TRPV1: variants seen among roughly 807,000 people sequenced by gnomAD.
TRPV1 encodes the protein transient receptor potential cation channel subfamily V member 1, also known as OTRPC1.
Under a neutral mutation model 82.3 loss-of-function variants are expected in TRPV1, and 82 were observed. That is an observed-to-expected ratio of 1.00 (90% confidence interval 0.83 to 1.20). The LOEUF (loss-of-function observed/expected upper bound fraction) is 1.20. TRPV1 is among the 50% of genes most tolerant of loss of function. The probability of loss-of-function intolerance (pLI) is 0.00; values close to 1 mark genes in which losing one functional copy is unlikely to be tolerated. For synonymous variants in TRPV1, 515 were observed against 467.7 expected, an observed-to-expected ratio of 1.10 and a Z score of -1.30; for missense variants, 1,067 against 1,096.8, an observed-to-expected ratio of 0.97 and a Z score of 0.38.
rs957231555 is a variant in TRPV1, at chr17:3,588,828, A to AC, written c.1045-462_1045-461insG. The AC allele has an allele frequency of 1.1e-5, 15 of 1,369,740 alleles. No homozygotes were observed. The African/African-American group carries it at 2.2e-4, about 20-fold the overall frequency. The allele number at this position is 1,369,740 out of a possible 1,614,324, so 84.8% of individuals were successfully genotyped here. On this transcript the variant is annotated intron_variant, in intron 7 of 16. Transcript: ENST00000572705. ...AAACCTCATCTAAAAAAAAAAAAAA[A>AC]AACAAAACACACAAACGTCAACCAG... is the stretch of plus-strand genomic sequence containing the variant.
chr17:3,566,754 C>G lies in TRPV1; in HGVS notation c.*61G>C. 6.4e-7 allele frequency: 1 copy of G among 1,565,672 alleles called. No homozygotes were observed. The highest frequency in any genetic ancestry group is 1.2e-5 in the South Asian group (1 of 84,082). On this transcript the variant is annotated 3_prime_UTR_variant, in exon 17 of 17. Transcript: ENST00000572705. Reference sequence around the variant, plus strand: ...CAGAGCACTGGTGTTCCCTCAGCAGCCCCCCGTGGCAACGGGGTCTCCTAA... The same window carrying G: ...CAGAGCACTGGTGTTCCCTCAGCAGGCCCCCGTGGCAACGGGGTCTCCTAA...
Position 3,573,903 on chromosome 17 carries a change from G to C in TRPV1, c.1833C>G (p.Ser611=). ...DGKNDSLPSE[S]TSHRWRGPAC... ...CAGGCCCCCGCCACCTGTGCGACGTGGACTCAGACGGCAGGGAGTCATTCT... is the reference window on the plus strand; with the variant it reads ...CAGGCCCCCGCCACCTGTGCGACGTCGACTCAGACGGCAGGGAGTCATTCT... Residue 611 remains serine, a synonymous_variant, in exon 14 of 17, where the codon TCC becomes TCG. Coordinates refer to ENST00000572705, the MANE Select transcript of TRPV1 (RefSeq NM_080704.4). The C allele has an allele frequency of 6.2e-7, 1 of 1,609,616 alleles. No homozygotes were observed. Among genetic ancestry groups the C allele is most frequent in the Non-Finnish European group, 8.5e-7 (1 of 1,178,882 alleles).
At position 3,590,952 on chromosome 17, in the gene TRPV1, C is replaced by T. The variant is rs199585588; in HGVS notation, c.604+12G>A. The T allele has an allele frequency of 1.6e-5, 25 of 1,587,930 alleles. No homozygotes were observed. The highest frequency in any genetic ancestry group is 4.5e-5 in the East Asian group (2 of 44,108). On this transcript the variant is annotated intron_variant, in intron 5 of 16. Transcript: ENST00000572705. ...CGGGCTGAGCCATGCCCGGCCCCGCCGCCCTCCTCACCCTTGTAGTAGCTG... is the reference window on the plus strand; with the variant it reads ...CGGGCTGAGCCATGCCCGGCCCCGCTGCCCTCCTCACCCTTGTAGTAGCTG...
intron 7 of TRPV1, chr17:3,589,081 C>G (rs574858091): frequency 5.3e-6 from 5 of 941,484 alleles, no homozygotes; most frequent in South Asian, 4.3e-5. Context: ...AGGCCAAGAG[C>G]TGGAGGCCTG....
Position 3,591,025 on chromosome 17 carries a change from C to G in TRPV1, c.543G>C (p.Ala181=), listed in dbSNP as rs760600407. ...GCTCCTTCAGGCTGTCCGTTTGCCGCGCGATCTCCAGGAGCAGGGGGATGG... is the reference window on the plus strand; with the variant it reads ...GCTCCTTCAGGCTGTCCGTTTGCCGGGCGATCTCCAGGAGCAGGGGGATGG... The part of the protein sequence containing the change: ...NTTIPLLLEI[A]RQTDSLKELV... The change falls in exon 5 of 17, where the codon GCG becomes GCC. Residue 181 remains alanine (A), a synonymous_variant. Coordinates refer to ENST00000572705, the MANE Select transcript of TRPV1 (RefSeq NM_080704.4). The G allele has an allele frequency of 3.7e-6, 6 of 1,612,072 alleles. No homozygotes were observed. The highest frequency in any genetic ancestry group is 5.1e-6 in the Non-Finnish European group (6 of 1,179,264).
At chr17:3,571,147 G>C (rs2074846778) in intron 16 of TRPV1, among the ~76,000 whole-genome samples, 1 of 152,218 alleles carries the variant, frequency 6.6e-6, no homozygotes. Context: ...GCCTCTCAGA[G>C]CTAGGACGTC....
chr17:3,588,813 T>TG (rs1334626655), intron 7 of TRPV1: 3 of 903,036 alleles, frequency 3.3e-6, no homozygotes, highest in Non-Finnish European at 4.7e-6. Context: ...AAACCTCATC[T>TG]AAAAAAAAAA....
At chr17:3,581,925 T>C (rs1422649791) in intron 10 of TRPV1, among the ~76,000 whole-genome samples, 2 of 143,128 alleles carry the variant, frequency 1.4e-5, no homozygotes, top group African/African-American at 2.6e-5. Context: ...GCACAGTGGC[T>C]CACACCTGTA....
chr17:3,566,924 T>C lies in TRPV1; in HGVS notation c.2411A>G (p.Asp804Gly). The C allele has an allele frequency of 6.2e-7, 1 of 1,613,990 alleles. No homozygotes were observed. Reference protein sequence around the residue: ...VPLLREASARDRQSAQPEEVY... With the variant: ...VPLLREASARGRQSAQPEEVY... The stretch of plus-strand genomic sequence containing the variant: ...TTCCTCGGGCTGAGCAGACTGCCTA[T>C]CTCGAGCACTTGCCTCTCTTAAAAG... Residue 804 changes from aspartate to glycine, a missense_variant, in exon 17 of 17, where the codon GAT becomes GGT. Coordinates refer to ENST00000572705, the MANE Select transcript of TRPV1 (RefSeq NM_080704.4).
chr17:3,583,253 TA>T, intron 10 of TRPV1, 84 bp downstream of exon 10: 1 of 1,212,324 alleles, frequency 8.2e-7, no homozygotes, highest in Non-Finnish European at 1.2e-6. Context: ...TCTGATGAAT[TA>T]AAAAGTGAGT....
At chr17:3,572,493 G>C (rs2074868207) in intron 14 of TRPV1, among the ~76,000 whole-genome samples, 1 of 152,192 alleles carries the variant, frequency 6.6e-6, no homozygotes, top group South Asian at 2.1e-4. Context: ...GGCCTGGGCA[G>C]GGCAGCCCCG....
rs369016128 is a variant in TRPV1 at position 3,587,276 on chromosome 17, GC to G, written c.1224+911del. Among the ~76,000 whole-genome samples the G allele has an allele frequency of 2.4e-3, 358 of 152,276 alleles. 1 individual carries two copies. Among genetic ancestry groups the G allele is most frequent in the African/African-American group, 7.9e-3 (327 of 41,556 alleles). On this transcript the variant is annotated intron_variant, in intron 8 of 16. Transcript: ENST00000572705. Reference sequence around the variant, plus strand: ...GGCAGAGCAGACCAGGCCTTTCCCAGCCCCGGACTCTGCTCCTGTAAACGCA... The same window carrying G: ...GGCAGAGCAGACCAGGCCTTTCCCAGCCCGGACTCTGCTCCTGTAAACGCA...
At chr17:3,570,664 G>T (rs2074840418) in intron 16 of TRPV1, among the ~76,000 whole-genome samples, 1 of 152,118 alleles carries the variant, frequency 6.6e-6, no homozygotes, top group African/African-American at 2.4e-5. Flanking sequence ...ATGTTTACCA[G>T]TAACTGTTAA....
At chr17:3,597,672 CTTTT>C (rs34662119) in intron 2 of TRPV1, among the ~76,000 whole-genome samples, 4 of 117,884 alleles carry the variant, frequency 3.4e-5, no homozygotes, top group Admixed American at 9.1e-5. Context: ...GTGTCATTTC[CTTTT>C]TTTTTTTTTT....
rs376476901 is a variant in TRPV1 at position 3,566,833 on chromosome 17, G to A, written c.2502C>T (p.Ala834=). ...GACGTCCTCACTTCTCCCCGGAAGC[G>A]GCAGGACTCTTGAAGACCTCAGCGT... is the stretch of plus-strand genomic sequence containing the variant. ...PEDAEVFKSP[A]ASGEK Residue 834 remains alanine, a synonymous_variant, in exon 17 of 17, where the codon GCC becomes GCT. Transcript: ENST00000572705. The A allele has an allele frequency of 1.7e-5, 27 of 1,613,746 alleles. No homozygotes were observed. The highest frequency in any genetic ancestry group is 1.7e-4 in the Middle Eastern group (1 of 6,042).
chr17:3,578,053 C>T, intron 11 of TRPV1: 1 of 251,752 alleles, frequency 4.0e-6, no homozygotes, highest in Non-Finnish European at 7.9e-6. Context: ...GCCTTTAATC[C>T]CAGCTCTTTG....
At chr17:3,572,369 T>A in intron 14 of TRPV1, 120 bp from the exon 15 acceptor site, 1 of 1,260,530 alleles carries the variant, frequency 7.9e-7, no homozygotes, top group Non-Finnish European at 1.1e-6. Flanking sequence ...TCCAGGGTGG[T>A]TGTCCAGTGC....
In TRPV1 at chr17:3,577,590, G is replaced by A. The variant is rs200250056; in HGVS notation, c.1713+8C>T. 2.5e-5 allele frequency: 40 copies of A among 1,569,392 alleles called. No homozygotes were observed. In the African/African-American group the frequency reaches 5.1e-4, roughly 20 times the overall value. On this transcript the variant is annotated splice_region_variant and intron_variant, in intron 12 of 16. Transcript: ENST00000572705. ...CTGAGGAGACCCACTGGGGCCCAGGGAACCCACCTTCTCTATCATGACGGC... is the reference window on the plus strand; with the variant it reads ...CTGAGGAGACCCACTGGGGCCCAGGAAACCCACCTTCTCTATCATGACGGC...
chr17:3,568,570 T>C (rs1165686042), intron 16 of TRPV1, among the ~76,000 whole-genome samples: 2 of 152,036 alleles, frequency 1.3e-5, no homozygotes, highest in Admixed American at 6.6e-5. Context: ...ATAAAATAGA[T>C]TTTCGCTTCC....
Sources: allele counts gnomAD v4.1 joint callset (sites outside exome capture counted in the v4.1 genomes callset), GRCh38; gene constraint gnomAD v4.1.1; transcripts MANE v1.5; gene names NCBI Gene and HGNC (gene_info 2026-07-23, HGNC 2026-07-21).